The following IHO1 variants were observed in gnomAD, a reference collection of about 807,000 sequenced individuals.
IHO1 encodes interactor of HORMAD1 protein 1.
In IHO1, 13 loss-of-function variants were observed where a neutral mutation model predicts 31.0. That is an observed-to-expected ratio of 0.42 (90% CI 0.27 to 0.67). The LOEUF is 0.67. Among genes scored for constraint, IHO1 ranks in the 30% least tolerant of loss-of-function variants. The pLI, the probability that IHO1 is intolerant of heterozygous loss-of-function variation, is 0.24. For missense variants in IHO1, 599 were observed against 687.5 expected (o/e 0.87, Z 1.44); for synonymous variants, 221 against 248.4 (o/e 0.89, Z 1.04).
intron 6 of IHO1, among the ~76,000 whole-genome samples, chr3:49,248,740 G>A (rs921463415): frequency 1.3e-5 from 2 of 151,874 alleles, no homozygotes; most frequent in Non-Finnish European, 2.9e-5. Context: ...AAAAGAAAAA[G>A]AAAGAAAAAA....
At chr3:49,236,524 AC>A (rs1490162321) in intron 2 of IHO1, 23 bp from the exon 3 acceptor site, 51 of 1,535,162 alleles carry the variant, frequency 3.3e-5, no homozygotes, top group Non-Finnish European at 4.2e-5. Context: ...TCTATTTGAT[AC>A]ACTTTTTTTT....
At chr3:49,230,807 C>T (rs965197865) in intron 2 of IHO1, among the ~76,000 whole-genome samples, 2 of 152,120 alleles carry the variant, frequency 1.3e-5, no homozygotes, top group African/African-American at 4.8e-5. Context: ...AAATGACTTT[C>T]AAAAATTACT....
intron 1 of IHO1, among the ~76,000 whole-genome samples, chr3:49,203,326 G>A (rs576131708): frequency 2.6e-5 from 4 of 152,326 alleles, no homozygotes; most frequent in Admixed American, 2.6e-4. Context: ...AGCCCCATAA[G>A]AGGCATGCAA....
chr3:49,205,331 C>CTTT (rs766264368), intron 1 of IHO1, among the ~76,000 whole-genome samples: 2 of 139,682 alleles, frequency 1.4e-5, no homozygotes, highest in African/African-American at 2.6e-5. Context: ...CCAGAGGTCA[C>CTTT]TTTTTTTTTT....
chr3:49,238,345 T>TAC (rs1575582090), intron 3 of IHO1, among the ~76,000 whole-genome samples: 1 of 152,098 alleles, frequency 6.6e-6, no homozygotes. Context: ...ACCCAGGCTG[T>TAC]AGTGCAGTGG....
intron 1 of IHO1, among the ~76,000 whole-genome samples, chr3:49,208,089 A>G (rs1277745005): frequency 2.6e-5 from 4 of 152,212 alleles, no homozygotes; most frequent in East Asian, 1.9e-4. Context: ...TACATATAAT[A>G]TTTCTAAATC....
intron 1 of IHO1, 89 bp from the exon 2 acceptor site, chr3:49,211,677 T>A: frequency 2.0e-6 from 1 of 506,760 alleles, no homozygotes; most frequent in Admixed American, 3.3e-5. Context: ...GCTGCTGGAA[T>A]GTCTTCGTGT....
At chr3:49,195,295 G>A (rs6795756), upstream of IHO1, among the ~76,000 whole-genome samples, 94,093 of 151,382 alleles carry the variant, frequency 0.62, 30,189 homozygotes, top group East Asian at 0.95. Flanking sequence ...GGTGACATGC[G>A]TCTGTAATCC....
intron 2 of IHO1, among the ~76,000 whole-genome samples, chr3:49,212,163 CAAAA>C (rs35238412): frequency 6.0e-5 from 3 of 50,150 alleles, no homozygotes; most frequent in Admixed American, 2.2e-4. Flanking sequence ...GACTCCGTCT[CAAAA>C]AAAAAAAAAA....
intron 2 of IHO1, among the ~76,000 whole-genome samples, chr3:49,217,577 G>A (rs1383607041): frequency 6.6e-6 from 1 of 151,502 alleles, no homozygotes; most frequent in African/African-American, 2.4e-5. Context: ...AACCAACATG[G>A]CACATGTATA....
chr3:49,232,935 A>C (rs1484521845), intron 2 of IHO1, among the ~76,000 whole-genome samples: 1 of 152,208 alleles, frequency 6.6e-6, no homozygotes, highest in Non-Finnish European at 1.5e-5. Flanking sequence ...TTCTGGTCTC[A>C]GTATTTACCA....
chr3:49,211,623 CA>C (rs796140342), intron 1 of IHO1, 142 bp from the exon 2 acceptor site: 5,036 of 276,500 alleles, frequency 0.018, no homozygotes, highest in South Asian at 0.032. Context: ...AACTCCGTCT[CA>C]AAAAAAAAAA....
chr3:49,239,291 CTT>C (rs71077777), intron 3 of IHO1, among the ~76,000 whole-genome samples: 7 of 148,042 alleles, frequency 4.7e-5, no homozygotes, highest in African/African-American at 7.5e-5. Flanking sequence ...TAATTTTTTT[CTT>C]TTTTTTTTTG....
intron 2 of IHO1, chr3:49,228,396 C>A: frequency 2.3e-6 from 1 of 429,840 alleles, no homozygotes; most frequent in South Asian, 1.7e-5. Flanking sequence ...TTTAGTCCAG[C>A]GGCCACGCTA....
chr3:49,210,691 G>A (rs952213089), intron 1 of IHO1, among the ~76,000 whole-genome samples: 7 of 138,422 alleles, frequency 5.1e-5, no homozygotes, highest in Non-Finnish European at 7.6e-5. Flanking sequence ...GAGCCACTGC[G>A]CCCGGCTTTT....
chr3:49,249,467 C>T (rs532392274), intron 6 of IHO1, among the ~76,000 whole-genome samples: 4 of 152,138 alleles, frequency 2.6e-5, no homozygotes, highest in Non-Finnish European at 5.9e-5. Flanking sequence ...GACAAGGTTT[C>T]ACCATGTTAG....
intron 1 of IHO1, among the ~76,000 whole-genome samples, chr3:49,205,994 C>T (rs1421674410): frequency 9.2e-5 from 13 of 141,676 alleles, no homozygotes; most frequent in Admixed American, 5.6e-4. Flanking sequence ...GACGGAGTCT[C>T]GCTCTGTCTC....
chr3:49,219,080 G>A (rs909292671), intron 2 of IHO1, among the ~76,000 whole-genome samples: 14 of 152,108 alleles, frequency 9.2e-5, no homozygotes, highest in East Asian at 1.9e-4. Flanking sequence ...AGGCTGAGGC[G>A]GATGCATCAC....
In IHO1 at chr3:49,241,386, A is replaced by T; in HGVS notation, c.392A>T (p.Asp131Val). Residue 131 changes from aspartate to valine, a missense_variant, in exon 4 of 8, where the codon GAC (aspartate) becomes GTC (valine). Asp to Val is a radical substitution (Grantham distance 152, BLOSUM62 -3). Transcript: ENST00000452691. ...AAGAAAAGGGCAAAAGACAAATGTG[A>T]CAGGTATGTAAACCTTTCAAATGGA... The part of the protein sequence containing the change: ...EKKKRAKDKC[D>V]SETLYNFVSN... 1.2e-6 allele frequency: 2 copies of T among 1,609,254 alleles called. No individual in the cohort carries two copies. The highest frequency in any genetic ancestry group is 1.7e-6 in the Non-Finnish European group (2 of 1,178,194).
Sources: gnomAD v4.1 joint callset for allele counts (sites outside exome capture counted in the v4.1 genomes callset) on GRCh38, gnomAD v4.1.1 for gene constraint, MANE v1.5 for transcripts, NCBI Gene and HGNC (gene_info 2026-07-23, HGNC 2026-07-21) for gene names.